The following ARFGEF3 variants were observed in gnomAD, a reference collection of about 807,000 sequenced individuals.
ARFGEF3 encodes the protein ARFGEF family member 3.
Under a neutral mutation model 221.7 loss-of-function variants are expected in ARFGEF3, and 96 were observed. That is an observed-to-expected ratio of 0.43 (90% CI 0.37 to 0.51). The LOEUF (loss-of-function observed/expected upper bound fraction) is 0.51, where lower values mean the gene tolerates loss of function less well. Among genes scored for constraint, ARFGEF3 ranks in the 20% least tolerant of loss-of-function variants. The pLI, the probability that ARFGEF3 is intolerant of heterozygous loss-of-function variation, is 0.00. For synonymous variants in ARFGEF3, 1,145 were observed against 1,126.8 expected, an observed-to-expected ratio of 1.02 and a Z score of -0.32; for missense variants, 2,410 against 2,789.9, an observed-to-expected ratio of 0.86 and a Z score of 3.07.
rs369969191 is a variant in ARFGEF3 at position 138,336,319 on chromosome 6, G to C, written c.6367G>C (p.Val2123Leu). 9.4e-6 allele frequency: 15 copies of C among 1,598,890 alleles called. No homozygotes were observed. The East Asian group carries it at 3.0e-4, about 32-fold the overall frequency. Residue 2123 changes from valine (V) to leucine (L), a missense_variant, in exon 34 of 34, where the codon GTT (valine) becomes CTT (leucine). Physicochemically the swap from Val to Leu is conservative, Grantham distance 32. Transcript: ENST00000251691. ...IQAWTNMVLTVLNQIQILPDQ... is the reference protein window; with the variant it reads ...IQAWTNMVLTLLNQIQILPDQ... ...GGCATGGACCAACATGGTGCTAACA[G>C]TTCTCAATCAGATTCAGATTCTCCC...
chr6:138,223,437 G>T (rs984499678), intron 4 of ARFGEF3, among the ~76,000 whole-genome samples: 2 of 152,166 alleles, frequency 1.3e-5, no homozygotes, highest in African/African-American at 4.8e-5. Context: ...TACACCAAGA[G>T]AGAAAAATGC....
chr6:138,216,661 C>G lies in ARFGEF3; in HGVS notation c.351+6620C>G, dbSNP rs375334242. On this transcript the variant is annotated intron_variant, in intron 4 of 33. Transcript: ENST00000251691. ...TTAGTGAAGTTTGAGAGTGAAATGG[C>G]TAATTTGTCTTGCTGCTTATAACAG... 3.9e-5 allele frequency: 6 copies of G among 152,126 alleles called. No individual in the cohort carries two copies. In the East Asian group the frequency reaches 5.8e-4, roughly 15 times the overall value. 9.4% of individuals were successfully genotyped at this position (152,126 alleles called of 1,614,324 possible).
chr6:138,334,975 A>T lies in ARFGEF3; in HGVS notation c.6129A>T (p.Lys2043Asn). ...AGCACAACCTGTCCGCGTTCCCCAA[A>T]GAGGTCAAAGTGGAGAAGAAAGGAG... is the stretch of plus-strand genomic sequence containing the variant. The part of the protein sequence containing the change: ...KQQHNLSAFP[K>N]EVKVEKKGEP... The change falls in exon 33 of 34, where the codon AAA becomes AAT. Residue 2043 changes from lysine (K) to asparagine (N), a missense_variant. Physicochemically the swap from Lys to Asn is moderately conservative, Grantham distance 94 (BLOSUM62 0). Around this residue, in one of 5 missense-constraint regions of ARFGEF3, gnomAD observed 339 missense variants for 334.9 expected, o/e 1.01. Transcript: ENST00000251691. This position sits in a 1 kb window ranked among gnomAD's most constrained non-coding sequence, Gnocchi z 5.1. The T allele has an allele frequency of 6.3e-7, 1 of 1,585,894 alleles. No homozygotes were observed. Among genetic ancestry groups the T allele is most frequent in the Non-Finnish European group, 8.6e-7 (1 of 1,166,806 alleles).
chr6:138,318,019 T>C (rs933889190), intron 27 of ARFGEF3, among the ~76,000 whole-genome samples: 1 of 152,208 alleles, frequency 6.6e-6, no homozygotes, highest in Admixed American at 6.5e-5. Context: ...ACTTTTTTAA[T>C]AGAAATTTAA....
chr6:138,200,556 CA>C (rs563376100), intron 2 of ARFGEF3, among the ~76,000 whole-genome samples: 67 of 152,208 alleles, frequency 4.4e-4, no homozygotes, highest in African/African-American at 1.5e-3. Context: ...ACAAAGCAAA[CA>C]AAAACATAAA....
chr6:138,292,122 C>G, intron 19 of ARFGEF3, 69 bp downstream of exon 19: 1 of 1,298,168 alleles, frequency 7.7e-7, no homozygotes, highest in South Asian at 1.8e-5. Flanking sequence ...CATCTGGTTT[C>G]AGTCATGCCA....
At chr6:138,307,169 G>C (rs1779742506) in intron 22 of ARFGEF3, 84 bp from the exon 23 acceptor site, 1 of 1,397,814 alleles carries the variant, frequency 7.2e-7, no homozygotes, top group Non-Finnish European at 1.0e-6. Flanking sequence ...CAAAATAGGG[G>C]ACAGAGAAAT....
intron 2 of ARFGEF3, among the ~76,000 whole-genome samples, chr6:138,204,439 C>CG (rs1405269004): frequency 3.4e-5 from 5 of 148,772 alleles, no homozygotes; most frequent in African/African-American, 1.2e-4. Context: ...GCTGGACAAA[C>CG]TACAGCCTGT....
intron 2 of ARFGEF3, among the ~76,000 whole-genome samples, chr6:138,195,609 G>A (rs932788374): frequency 2.0e-5 from 3 of 152,086 alleles, no homozygotes; most frequent in African/African-American, 4.8e-5. Context: ...GTATTATTCT[G>A]TTCTATAGAT....
At chr6:138,332,457 A>T (rs781019781) in intron 32 of ARFGEF3, among the ~76,000 whole-genome samples, 8 of 152,116 alleles carry the variant, frequency 5.3e-5, no homozygotes, top group Middle Eastern at 3.2e-3. Flanking sequence ...TATCAGGGGG[A>T]CAGACTTGTT....
intron 5 of ARFGEF3, among the ~76,000 whole-genome samples, chr6:138,232,829 A>C (rs766336317): frequency 4.6e-5 from 7 of 152,208 alleles, no homozygotes; most frequent in Non-Finnish European, 1.0e-4. Context: ...GATAAAGAAT[A>C]CAAGCAAAGT....
Position 138,181,215 on chromosome 6 carries a change from A to C in ARFGEF3, c.137+10502A>C, listed in dbSNP as rs74604213. Among the ~76,000 whole-genome samples, 1,381 of 152,262 alleles carry C rather than the reference A, an allele frequency of 9.1e-3. 20 individuals are homozygous for C. The highest frequency in any genetic ancestry group is 0.03 in the African/African-American group (1,242 of 41,556). ...CACTTAAAGAAGTCACCACTTAAAA[A>C]ATGAGTGCATAAGTCACCCAAGTTA... On this transcript the variant is annotated intron_variant, in intron 2 of 33. Coordinates refer to ENST00000251691, the MANE Select transcript of ARFGEF3 (RefSeq NM_020340.5).
Position 138,238,615 on chromosome 6 carries a change from A to C in ARFGEF3, c.527A>C (p.Gln176Pro). Residue 176 changes from glutamine to proline, a missense_variant, in exon 6 of 34, where the codon CAG (glutamine) becomes CCG (proline). By Grantham distance (76) the Gln-to-Pro change is moderately conservative (BLOSUM62 -1). Coordinates refer to ENST00000251691, the MANE Select transcript of ARFGEF3 (RefSeq NM_020340.5). ...AGTGACTTGACTTTACAGTTACGAC[A>C]GAGGCAGGAGAATACGGTGAGTCTG... ...MLSDLTLQLR[Q>P]RQENTIIENP... The C allele has an allele frequency of 2.5e-6, 4 of 1,613,670 alleles. No homozygotes were observed. The highest frequency in any genetic ancestry group is 3.4e-6 in the Non-Finnish European group (4 of 1,179,674).
intron 22 of ARFGEF3, among the ~76,000 whole-genome samples, chr6:138,306,717 G>T (rs936688167): frequency 6.6e-6 from 1 of 151,958 alleles, no homozygotes; most frequent in African/African-American, 2.4e-5. Context: ...TCAGCAAATT[G>T]TGCTTGAATG....
intron 3 of ARFGEF3, among the ~76,000 whole-genome samples, 199 bp from the exon 4 acceptor site, chr6:138,209,711 G>C: frequency 6.6e-6 from 1 of 152,124 alleles, no homozygotes; most frequent in East Asian, 1.9e-4. Context: ...GCCTCCCAAA[G>C]TGCTGGGATT....
intron 12 of ARFGEF3, among the ~76,000 whole-genome samples, chr6:138,265,031 G>A (rs1583039181): frequency 6.6e-6 from 1 of 151,384 alleles, no homozygotes; most frequent in Non-Finnish European, 1.5e-5. Flanking sequence ...AGCCTCCCAA[G>A]TAGCTGGGAC....
chr6:138,177,803 G>A (rs931252188), intron 2 of ARFGEF3, among the ~76,000 whole-genome samples: 1 of 151,758 alleles, frequency 6.6e-6, no homozygotes, highest in South Asian at 2.1e-4. Context: ...GAATTTTTCA[G>A]TTCCAGAATA....
intron 21 of ARFGEF3, 30 bp downstream of exon 21, chr6:138,296,985 G>A (rs748417319): frequency 2.9e-5 from 46 of 1,594,340 alleles, no homozygotes; most frequent in Non-Finnish European, 3.8e-5. Flanking sequence ...GAAGAGGCTG[G>A]AACTGCTAAG....
At chr6:138,236,043 A>G (rs1778280246) in intron 5 of ARFGEF3, among the ~76,000 whole-genome samples, 1 of 152,230 alleles carries the variant, frequency 6.6e-6, no homozygotes, top group Admixed American at 6.5e-5. Flanking sequence ...AGATATTTGG[A>G]AAGTTCTTGT....
Sources: gnomAD v4.1 joint callset for allele counts (sites outside exome capture counted in the v4.1 genomes callset) on GRCh38, gnomAD v4.1.1 for gene constraint, gnomAD v4.1.1 regional missense constraint, Gnocchi (gnomAD v3.1) non-coding constraint, MANE v1.5 for transcripts, NCBI Gene and HGNC (gene_info 2026-07-23, HGNC 2026-07-21) for gene names.